The following TTLL11 variants were observed in gnomAD, a reference collection of about 807,000 sequenced individuals.
TTLL11 encodes the protein tubulin polyglutamylase TTLL11.
In TTLL11, 42 loss-of-function variants were observed where a neutral mutation model predicts 51.7. That is an observed-to-expected ratio of 0.81 (90% CI 0.64 to 1.05). TTLL11 has a LOEUF of 1.05. Ranked by LOEUF, TTLL11 falls within the 50% of genes least tolerant of loss-of-function variation. The pLI is 0.00. For synonymous variants in TTLL11, 381 were observed against 383.5 expected (o/e 0.99, Z 0.08); for missense variants, 799 against 940.4 (o/e 0.85, Z 1.97).
intron 6 of TTLL11, among the ~76,000 whole-genome samples, chr9:121,968,256 T>C (rs763704492): frequency 3.9e-4 from 60 of 152,232 alleles, no homozygotes; most frequent in Non-Finnish European, 7.6e-4. Context: ...CACTAGATAT[T>C]ACAAAATGCT....
At chr9:121,935,379 T>A (rs1841163579) in intron 6 of TTLL11, among the ~76,000 whole-genome samples, 1 of 152,176 alleles carries the variant, frequency 6.6e-6, no homozygotes, top group East Asian at 1.9e-4. Context: ...ATGACAATAC[T>A]TTTGACTCCA....
intron 6 of TTLL11, among the ~76,000 whole-genome samples, chr9:121,956,897 G>T (rs1298472993): frequency 6.6e-6 from 1 of 152,208 alleles, no homozygotes; most frequent in South Asian, 2.1e-4. Context: ...CAGGCTCCAA[G>T]GTTCTGCATC....
At chr9:122,071,627 C>T (rs372673126) in intron 1 of TTLL11, among the ~76,000 whole-genome samples, 9 of 152,218 alleles carry the variant, frequency 5.9e-5, no homozygotes, top group African/African-American at 1.4e-4. Flanking sequence ...AGGTGCAGCA[C>T]GGGATGAAGG....
At chr9:122,081,199 G>C (rs1239571407) in intron 1 of TTLL11, among the ~76,000 whole-genome samples, 1 of 152,132 alleles carries the variant, frequency 6.6e-6, no homozygotes, top group Non-Finnish European at 1.5e-5. Context: ...TTTCTAAAGG[G>C]GCCAGGAACT....
intron 6 of TTLL11, among the ~76,000 whole-genome samples, chr9:121,897,640 A>ACACACACACACACACACACACATG (rs111331446): frequency 1.4e-5 from 2 of 139,292 alleles, no homozygotes; most frequent in African/African-American, 5.3e-5. Flanking sequence ...ACACACACAC[A>ACACACACACACACACACACACATG]CGCGCGCGCG....
chr9:122,088,890 C>G (rs966602288), intron 1 of TTLL11, among the ~76,000 whole-genome samples: 2 of 151,824 alleles, frequency 1.3e-5, no homozygotes, highest in African/African-American at 4.8e-5. Context: ...CCTGTAATCT[C>G]AGCTACTCAG....
chr9:122,040,305 T>C (rs1278344443), intron 1 of TTLL11: 4 of 961,984 alleles, frequency 4.2e-6, no homozygotes, highest in African/African-American at 3.5e-5. Flanking sequence ...AATACCTTTT[T>C]GGTCTTCTAA....
chr9:122,053,576 G>A (rs1356316015), intron 1 of TTLL11, among the ~76,000 whole-genome samples: 1 of 152,156 alleles, frequency 6.6e-6, no homozygotes, highest in Non-Finnish European at 1.5e-5. Flanking sequence ...GAGTGGATGA[G>A]GAGTAGAGAG....
intron 6 of TTLL11, among the ~76,000 whole-genome samples, chr9:121,883,291 C>T (rs1838869503): frequency 6.6e-6 from 1 of 152,170 alleles, no homozygotes; most frequent in African/African-American, 2.4e-5. Flanking sequence ...AATCCACTCT[C>T]CAGAGGTGTT....
intron 6 of TTLL11, among the ~76,000 whole-genome samples, chr9:121,892,179 T>C (rs1175293945): frequency 1.5e-5 from 2 of 135,656 alleles, no homozygotes; most frequent in African/African-American, 2.7e-5. Flanking sequence ...GATATATATA[T>C]ACACACACAT....
At chr9:122,017,835 A>G (rs1844033912) in intron 3 of TTLL11, among the ~76,000 whole-genome samples, 1 of 152,184 alleles carries the variant, frequency 6.6e-6, no homozygotes, top group Non-Finnish European at 1.5e-5. Flanking sequence ...CGCACATTCA[A>G]TGGGAGAAAA....
intron 3 of TTLL11, among the ~76,000 whole-genome samples, chr9:122,030,610 A>G (rs182971595): frequency 1.0e-3 from 156 of 152,142 alleles, no homozygotes; most frequent in African/African-American, 3.6e-3. Flanking sequence ...GCCTCACAAG[A>G]TTGCTATGAA....
At chr9:121,893,790 T>G (rs1839349337) in intron 6 of TTLL11, among the ~76,000 whole-genome samples, 1 of 152,226 alleles carries the variant, frequency 6.6e-6, no homozygotes, top group Non-Finnish European at 1.5e-5. Flanking sequence ...TTTGAAAGCT[T>G]AAGCTTAGAT....
chr9:121,882,083 C>G (rs918236626), intron 6 of TTLL11, among the ~76,000 whole-genome samples: 1 of 152,198 alleles, frequency 6.6e-6, no homozygotes, highest in South Asian at 2.1e-4. Flanking sequence ...ATACCTGGAA[C>G]GTGGCAAGCA....
At chr9:121,859,382 T>G (rs1251649072) in intron 8 of TTLL11, among the ~76,000 whole-genome samples, 2 of 150,870 alleles carry the variant, frequency 1.3e-5, no homozygotes, top group African/African-American at 4.9e-5. Context: ...GCACCTGTAA[T>G]CCCAGATACT....
chr9:121,837,747 C>T (rs1391064288), intron 8 of TTLL11, among the ~76,000 whole-genome samples: 2 of 152,132 alleles, frequency 1.3e-5, no homozygotes, highest in South Asian at 2.1e-4. Flanking sequence ...CCACAGCCTC[C>T]CTTCCAGCTC....
At chr9:121,883,181 G>C (rs117947372) in intron 6 of TTLL11, among the ~76,000 whole-genome samples, 1 of 152,108 alleles carries the variant, frequency 6.6e-6, no homozygotes, top group African/African-American at 2.4e-5. Flanking sequence ...TGAGAATAAC[G>C]GTCATTCTGG....
intron 6 of TTLL11, 64 bp from the exon 7 acceptor site, chr9:121,870,812 T>C: frequency 6.8e-7 from 1 of 1,464,660 alleles, no homozygotes; most frequent in Non-Finnish European, 9.1e-7. Flanking sequence ...TACTTGAGAT[T>C]TACAGCCTCC....
intron 6 of TTLL11, among the ~76,000 whole-genome samples, chr9:121,932,954 C>T (rs1841050531): frequency 3.9e-5 from 6 of 152,126 alleles, no homozygotes; most frequent in Admixed American, 3.3e-4. Flanking sequence ...AAATTACATC[C>T]GAGCCTGTAA....
Sources: gnomAD v4.1 joint callset for allele counts (sites outside exome capture counted in the v4.1 genomes callset) on GRCh38, gnomAD v4.1.1 for gene constraint, MANE v1.5 for transcripts, NCBI Gene and HGNC (gene_info 2026-07-23, HGNC 2026-07-21) for gene names.